The following SLC4A10 variants were observed in gnomAD, a reference collection of about 807,000 sequenced individuals.
SLC4A10 encodes the protein sodium-driven chloride bicarbonate exchanger.
Under a neutral mutation model 137.7 loss-of-function variants are expected in SLC4A10, and 42 were observed. The observed-to-expected ratio is 0.30, with a 90% confidence interval of 0.24 to 0.39. The LOEUF is 0.39. Ranked by LOEUF, SLC4A10 falls within the 10% of genes least tolerant of loss-of-function variation. The pLI, the probability that SLC4A10 is intolerant of heterozygous loss-of-function variation, is 1.00. For missense variants in SLC4A10, 925 were observed against 1,355.0 expected (o/e 0.68, Z 4.98); for synonymous variants, 474 against 464.1 (o/e 1.02, Z -0.27).
chr2:161,943,212 C>T (rs1693062874), intron 16 of SLC4A10, among the ~76,000 whole-genome samples: 1 of 152,008 alleles, frequency 6.6e-6, no homozygotes, highest in East Asian at 1.9e-4. Flanking sequence ...CTAAGTCTGC[C>T]TTCTGTGTAA....
At chr2:161,733,548 T>C (rs187431570) in intron 1 of SLC4A10, among the ~76,000 whole-genome samples, 61 of 152,328 alleles carry the variant, frequency 4.0e-4, no homozygotes, top group Admixed American at 1.1e-3. Flanking sequence ...GGAGTACCTT[T>C]GCTAGGGCAG....
intron 19 of SLC4A10, 68 bp downstream of exon 19, chr2:161,950,916 T>G (rs1449306674): frequency 8.0e-7 from 1 of 1,257,250 alleles, no homozygotes; most frequent in East Asian, 2.5e-5. Context: ...TTCATTTGAC[T>G]TCTATATTCT....
intron 1 of SLC4A10, among the ~76,000 whole-genome samples, chr2:161,750,287 C>T (rs1574750918): frequency 6.6e-6 from 1 of 151,626 alleles, no homozygotes; most frequent in African/African-American, 2.4e-5. Context: ...TCTCTGCTAA[C>T]ATTGGGTTTA....
At chr2:161,965,013 T>A (rs760466188) in intron 22 of SLC4A10, 38 bp from the exon 23 acceptor site, 18 of 1,584,408 alleles carry the variant, frequency 1.1e-5, no homozygotes, top group African/African-American at 1.1e-4. Flanking sequence ...TCGTTTTAAT[T>A]TTTTTTCCAC....
intron 1 of SLC4A10, among the ~76,000 whole-genome samples, chr2:161,683,160 T>C (rs1055596141): frequency 6.6e-6 from 1 of 152,108 alleles, no homozygotes; most frequent in Non-Finnish European, 1.5e-5. Flanking sequence ...ACCACAGATA[T>C]CATGTGGCAA....
chr2:161,909,457 G>A lies in SLC4A10; in HGVS notation c.1997+3570G>A, dbSNP rs529102474. ...CTCAACCCAGGTTAGGGAAATAGAA[G>A]GGATGGAACGACTGGTTCATCCTTA... On this transcript the variant is annotated intron_variant, in intron 15 of 26. Transcript: ENST00000446997. Among the ~76,000 whole-genome samples the A allele has an allele frequency of 3.3e-5, 5 of 152,294 alleles. No homozygotes were observed. The East Asian group carries it at 9.7e-4, about 29-fold the overall frequency.
intron 15 of SLC4A10, among the ~76,000 whole-genome samples, chr2:161,939,175 C>G (rs1421526020): frequency 6.6e-6 from 1 of 152,140 alleles, no homozygotes; most frequent in Non-Finnish European, 1.5e-5. Context: ...CTCCCAGGTT[C>G]AAGTGATTCT....
chr2:161,874,531 TA>T (rs1236183156), intron 8 of SLC4A10, among the ~76,000 whole-genome samples: 1 of 152,210 alleles, frequency 6.6e-6, no homozygotes, highest in Non-Finnish European at 1.5e-5. Flanking sequence ...CTCAAACAGT[TA>T]AAACTATGGA....
chr2:161,648,095 T>TGA (rs1259570293), intron 1 of SLC4A10, among the ~76,000 whole-genome samples: 26 of 152,116 alleles, frequency 1.7e-4, no homozygotes, highest in Non-Finnish European at 3.2e-4. Flanking sequence ...CAAGAAAAAA[T>TGA]TTTAAACAAA....
chr2:161,711,084 C>A (rs2044243308), intron 1 of SLC4A10, among the ~76,000 whole-genome samples: 1 of 151,724 alleles, frequency 6.6e-6, no homozygotes, highest in Admixed American at 6.6e-5. Flanking sequence ...TTATGCATCC[C>A]ATAACTTTAT....
At chr2:161,727,859 G>C (rs1410719640) in intron 1 of SLC4A10, among the ~76,000 whole-genome samples, 1 of 151,902 alleles carries the variant, frequency 6.6e-6, no homozygotes, top group African/African-American at 2.4e-5. Context: ...GAGAACAAAA[G>C]GACCGGTGTA....
At position 161,725,431 on chromosome 2, in the gene SLC4A10, C is replaced by G. The variant is rs559089318; in HGVS notation, c.49-45542C>G. 3.0e-4 allele frequency among the ~76,000 whole-genome samples: 46 copies of G among 152,246 alleles called. No individual in the cohort carries two copies. The East Asian group carries it at 7.9e-3, about 26-fold the overall frequency. On this transcript the variant is annotated intron_variant, in intron 1 of 26. Coordinates refer to ENST00000446997, the MANE Select transcript of SLC4A10 (RefSeq NM_001178015.2). ...TTGTAAGCCTTATGATGAATGTTAG[C>G]TATTACTGTAATTATATGCAACACT... is the stretch of plus-strand genomic sequence containing the variant.
chr2:161,837,302 A>G (rs2058879605), intron 3 of SLC4A10, among the ~76,000 whole-genome samples: 1 of 152,194 alleles, frequency 6.6e-6, no homozygotes, highest in African/African-American at 2.4e-5. Flanking sequence ...TCTCTACACT[A>G]GCATTAAAAA....
At chr2:161,650,244 T>G (rs933082845) in intron 1 of SLC4A10, among the ~76,000 whole-genome samples, 3 of 152,260 alleles carry the variant, frequency 2.0e-5, no homozygotes, top group Non-Finnish European at 4.4e-5. Flanking sequence ...CGGACTTGTA[T>G]GATGTTTTCT....
chr2:161,843,112 G>T (rs2059285779), intron 4 of SLC4A10, among the ~76,000 whole-genome samples: 1 of 152,052 alleles, frequency 6.6e-6, no homozygotes, highest in Non-Finnish European at 1.5e-5. Context: ...ATATATTTGG[G>T]CAAGAGTAAC....
intron 15 of SLC4A10, among the ~76,000 whole-genome samples, chr2:161,924,211 A>G (rs1466353862): frequency 2.6e-5 from 4 of 151,700 alleles, no homozygotes; most frequent in African/African-American, 9.7e-5. Context: ...GTAGTTTTAG[A>G]AATAAGTTCA....
intron 17 of SLC4A10, 63 bp downstream of exon 17, chr2:161,947,790 T>C (rs542820721): frequency 6.5e-7 from 1 of 1,540,722 alleles, no homozygotes; most frequent in African/African-American, 1.4e-5. Context: ...GAGTAATTGA[T>C]GTAATAAAAG....
intron 6 of SLC4A10, among the ~76,000 whole-genome samples, chr2:161,872,079 T>C (rs2061163763): frequency 6.6e-6 from 1 of 152,158 alleles, no homozygotes; most frequent in Non-Finnish European, 1.5e-5. Context: ...TCTGAAAATA[T>C]GTTTATTTTT....
chr2:161,916,612 T>C (rs1575625881), intron 15 of SLC4A10, among the ~76,000 whole-genome samples: 1 of 152,204 alleles, frequency 6.6e-6, no homozygotes, highest in Non-Finnish European at 1.5e-5. Flanking sequence ...CTTCATCTGT[T>C]CCCCAGTGCC....
Sources: gnomAD v4.1 joint callset for allele counts (sites outside exome capture counted in the v4.1 genomes callset) on GRCh38, gnomAD v4.1.1 for gene constraint, MANE v1.5 for transcripts, NCBI Gene and HGNC (gene_info 2026-07-23, HGNC 2026-07-21) for gene names.